GATA2: variants seen among roughly 807,000 people sequenced by gnomAD.
The protein encoded by GATA2 is GATA binding protein 2, also known as endothelial transcription factor GATA-2.
A neutral mutation model predicts 35.7 loss-of-function variants in GATA2; 6 were observed. That is an observed-to-expected ratio of 0.17 (90% confidence interval 0.09 to 0.33). The LOEUF (loss-of-function observed/expected upper bound fraction) is 0.33, where lower values mean the gene tolerates loss of function less well. Ranked by LOEUF, GATA2 falls within the 10% of genes least tolerant of loss-of-function variation. The pLI is 1.00. For missense variants in GATA2, 541 were observed against 656.6 expected, an observed-to-expected ratio of 0.82 and a Z score of 1.92; for synonymous variants, 313 against 274.9, an observed-to-expected ratio of 1.14 and a Z score of -1.37.
At position 128,479,783 on chromosome 3, in the gene GATA2, G is replaced by A. The variant is rs1024969919; in HGVS notation, c.*1236C>T. On this transcript the variant is annotated 3_prime_UTR_variant, in exon 6 of 6. Coordinates refer to ENST00000341105, the MANE Select transcript of GATA2 (RefSeq NM_032638.5). ...CATACAGAATCTAAGCTCGGGACAC[G>A]TTTATATACAGCTGTACCTTGGGAA... is the stretch of plus-strand genomic sequence containing the variant. 1.6e-4 allele frequency: 38 copies of A among 233,442 alleles called. No homozygotes were observed. Among genetic ancestry groups the A allele is most frequent in the African/African-American group, 6.0e-4 (27 of 45,332 alleles). 14.5% of individuals were successfully genotyped at this position (233,442 alleles called of 1,614,324 possible). A position where few individuals can be genotyped will look rare whatever the true frequency, so the allele number is the denominator to read the frequency against.
At chr3:128,489,861 T>A (rs1320145901) in intron 1 of GATA2, 1 of 152,212 alleles carries the variant, frequency 6.6e-6, no homozygotes, top group Non-Finnish European at 1.5e-5. Flanking sequence ...AGCAAGACCC[T>A]CTGAAAGACA....
chr3:128,492,371 G>C (rs1338470758), intron 1 of GATA2: 2 of 152,304 alleles, frequency 1.3e-5, no homozygotes, highest in Admixed American at 6.5e-5. Flanking sequence ...CTTGGGGCGG[G>C]GGGAGACTTC....
intron 5 of GATA2, 129 bp from the exon 6 acceptor site, chr3:128,481,447 T>C: frequency 9.7e-7 from 1 of 1,032,790 alleles, no homozygotes; most frequent in South Asian, 1.3e-5. Flanking sequence ...GTGCCCGACC[T>C]TCATAGTCCC....
chr3:128,491,112 G>C (rs1295082734), intron 1 of GATA2, among the ~76,000 whole-genome samples: 9 of 151,926 alleles, frequency 5.9e-5, no homozygotes, highest in African/African-American at 2.2e-4. Context: ...GGAGGTAGCA[G>C]ATCTGGTGCC....
At chr3:128,482,122 G>T in intron 4 of GATA2, 178 bp from the exon 5 acceptor site, 1 of 781,870 alleles carries the variant, frequency 1.3e-6, no homozygotes, top group Non-Finnish European at 2.0e-6. Flanking sequence ...AATAAGTCAA[G>T]ACTCACAGAA....
At chr3:128,489,672 T>G (rs1270695878) in intron 1 of GATA2, 1 of 151,978 alleles carries the variant, frequency 6.6e-6, no homozygotes, top group Non-Finnish European at 1.5e-5. Context: ...GCCGGGCAGG[T>G]GAGCAGTCTC....
At chr3:128,482,118 T>A in intron 4 of GATA2, 174 bp from the exon 5 acceptor site, 4 of 805,880 alleles carry the variant, frequency 5.0e-6, no homozygotes, top group African/African-American at 1.7e-5. Flanking sequence ...ACGAAATAAG[T>A]CAAGACTCAC....
In GATA2 at chr3:128,486,707, G is replaced by T. The variant is rs550948010; in HGVS notation, c.229+96C>A. The T allele has an allele frequency of 3.4e-5, 42 of 1,241,268 alleles. No individual in the cohort carries two copies. In the South Asian group the frequency reaches 5.2e-4, roughly 16 times the overall value. 76.9% of individuals were successfully genotyped at this position (1,241,268 alleles called of 1,614,324 possible). A position where few individuals can be genotyped will look rare whatever the true frequency, so the allele number is the denominator to read the frequency against. Reference sequence around the variant, plus strand: ...ATTTTTCAGCAGCTCGATTCCTGCGGATCCTACATCCGGGAAGCAAGCAGA... The same window carrying T: ...ATTTTTCAGCAGCTCGATTCCTGCGTATCCTACATCCGGGAAGCAAGCAGA... On this transcript the variant is annotated intron_variant, in intron 2 of 5. Coordinates refer to ENST00000341105, the MANE Select transcript of GATA2 (RefSeq NM_032638.5).
rs781485787 is a variant in GATA2 at position 128,486,986 on chromosome 3, C to A, written c.46G>T (p.Val16Leu). ...GAGTCGGGGTGCTGCGCATTCAGCACGGCCGGGTGCGCCATCCAGCGCGGC... is the reference window on the plus strand; with the variant it reads ...GAGTCGGGGTGCTGCGCATTCAGCAAGGCCGGGTGCGCCATCCAGCGCGGC... ...EQPRWMAHPA[V>L]LNAQHPDSHH... Residue 16 changes from valine (V) to leucine (L), a missense_variant, in exon 2 of 6, where the codon GTG (valine) becomes TTG (leucine). Transcript: ENST00000341105. 2 of 1,607,238 alleles carry A rather than the reference C, an allele frequency of 1.2e-6. No homozygotes were observed. The highest frequency in any genetic ancestry group is 1.7e-6 in the Non-Finnish European group (2 of 1,177,034).
chr3:128,489,044 G>A (rs1323862442), intron 1 of GATA2, among the ~76,000 whole-genome samples: 1 of 152,108 alleles, frequency 6.6e-6, no homozygotes, highest in Non-Finnish European at 1.5e-5. Flanking sequence ...CCCCCAGGTG[G>A]GTCGGGGGCA....
intron 4 of GATA2, among the ~76,000 whole-genome samples, chr3:128,482,554 A>G (rs531644865): frequency 1.3e-5 from 2 of 152,360 alleles, no homozygotes; most frequent in African/African-American, 4.8e-5. Context: ...TCAAGTGATC[A>G]ATATTCACAT....
chr3:128,485,637 C>A, intron 3 of GATA2, 90 bp downstream of exon 3: 1 of 1,491,318 alleles, frequency 6.7e-7, no homozygotes, highest in Non-Finnish European at 9.1e-7. Flanking sequence ...TCTGGGAAAC[C>A]AACACTGCCA....
Position 128,480,663 on chromosome 3 carries a change from G to T in GATA2, c.*356C>A, listed in dbSNP as rs2068614009. On this transcript the variant is annotated 3_prime_UTR_variant, in exon 6 of 6. Coordinates refer to ENST00000341105, the MANE Select transcript of GATA2 (RefSeq NM_032638.5). Reference sequence around the variant, plus strand: ...CAGACCACCAAGTCTCCAAGTCCTTGTTAGAAACAAGAGCAAAATAAATTA... The same window carrying T: ...CAGACCACCAAGTCTCCAAGTCCTTTTTAGAAACAAGAGCAAAATAAATTA... The T allele has an allele frequency of 1.3e-5, 4 of 318,198 alleles. No individual in the cohort carries two copies. The highest frequency in any genetic ancestry group is 2.3e-5 in the Non-Finnish European group (4 of 172,608). 19.7% of individuals were successfully genotyped at this position (318,198 alleles called of 1,614,324 possible).
chr3:128,484,310 G>A (rs1020574898), intron 3 of GATA2, among the ~76,000 whole-genome samples: 1 of 152,246 alleles, frequency 6.6e-6, no homozygotes, highest in African/African-American at 2.4e-5. Context: ...AACCAGGAGG[G>A]TATTTACTGC....
In GATA2 at chr3:128,480,443, A is replaced by G; in HGVS notation, c.*576T>C. ...CTGCCCTCCAGGGCCTGGCCCGTCA[A>G]AGCAGGCACCAGCTCACCCTCCCTG... On this transcript the variant is annotated 3_prime_UTR_variant, in exon 6 of 6. Transcript: ENST00000341105. 4.2e-6 allele frequency: 1 copy of G among 236,822 alleles called. No homozygotes were observed. Among genetic ancestry groups the G allele is most frequent in the Non-Finnish European group, 8.3e-6 (1 of 120,546 alleles). The allele number at this position is 236,822 out of a possible 1,614,324, so 14.7% of individuals were successfully genotyped here. A position where few individuals can be genotyped will look rare whatever the true frequency, so the allele number is the denominator to read the frequency against.
chr3:128,481,213 G>C lies in GATA2; in HGVS notation c.1249C>G (p.Leu417Val). 1.2e-6 allele frequency: 2 copies of C among 1,614,246 alleles called. No individual in the cohort carries two copies. The highest frequency in any genetic ancestry group is 1.3e-5 in the African/African-American group (1 of 75,058). ...GACTTCTCCTGCATGCACTTTGACA[G>C]CTCCTCGAAGCACTCCGCCCCTTTC... ...SKKGAECFEE[L>V]SKCMQEKSSP... Residue 417 changes from leucine to valine, a missense_variant, in exon 6 of 6, where the codon CTG (leucine) becomes GTG (valine). By Grantham distance (32) the Leu-to-Val change is conservative (BLOSUM62 1). This residue lies in a region of GATA2 where 95 missense variants were observed against 114.0 expected (regional missense o/e 0.83). Coordinates refer to ENST00000341105, the MANE Select transcript of GATA2 (RefSeq NM_032638.5).
chr3:128,485,287 G>A (rs774304274), intron 3 of GATA2, among the ~76,000 whole-genome samples: 4 of 152,108 alleles, frequency 2.6e-5, no homozygotes, highest in Non-Finnish European at 5.9e-5. Flanking sequence ...TGGAACCTCC[G>A]GAGTGCCTGA....
intron 4 of GATA2, 42 bp from the exon 5 acceptor site, chr3:128,481,986 C>G (rs1379311416): frequency 1.2e-6 from 2 of 1,607,888 alleles, no homozygotes; most frequent in African/African-American, 1.3e-5. Flanking sequence ...ACTCCCACGC[C>G]CACCTCGACC....
chr3:128,491,211 C>CCG (rs1559990031), intron 1 of GATA2, among the ~76,000 whole-genome samples: 1,517 of 18,440 alleles, frequency 0.082, 153 homozygotes, highest in African/African-American at 0.17. Flanking sequence ...CCGTCCAGCC[C>CCG]CCCCCCCCCT....
Sources: gnomAD v4.1 joint callset for allele counts (sites outside exome capture counted in the v4.1 genomes callset) on GRCh38, gnomAD v4.1.1 for gene constraint, gnomAD v4.1.1 regional missense constraint, MANE v1.5 for transcripts, NCBI Gene and HGNC (gene_info 2026-07-23, HGNC 2026-07-21) for gene names.